AGBL1: variants seen among roughly 807,000 people sequenced by gnomAD.
AGBL1 encodes AGBL carboxypeptidase 1.
In AGBL1, 130 loss-of-function variants were observed where a neutral mutation model predicts 118.9. That is an observed-to-expected ratio of 1.09 (90% CI 0.95 to 1.26). AGBL1 has a LOEUF of 1.26. AGBL1 is among the 50% of genes most tolerant of loss of function. The pLI is 0.00. For synonymous variants in AGBL1, 555 were observed against 478.9 expected (o/e 1.16, Z -2.08); for missense variants, 1,584 against 1,298.1 (o/e 1.22, Z -3.38).
chr15:86,759,331 G>A lies in AGBL1; in HGVS notation c.3158+84895G>A, dbSNP rs993056877. On this transcript the variant is annotated intron_variant, in intron 22 of 22. Coordinates refer to ENST00000614907, the MANE Select transcript of AGBL1 (RefSeq NM_001386094.1). ...TTTTTAGATAAAATTCTGCTTAATA[G>A]GCATGTGATTTGGTGCAAAATATTT... 3.3e-5 allele frequency among the ~76,000 whole-genome samples: 5 copies of A among 152,150 alleles called. No individual in the cohort carries two copies. The South Asian group carries it at 1.0e-3, about 32-fold the overall frequency.
intron 22 of AGBL1, among the ~76,000 whole-genome samples, chr15:86,676,450 G>A (rs944301182): frequency 2.6e-5 from 4 of 152,074 alleles, no homozygotes; most frequent in African/African-American, 7.2e-5. Flanking sequence ...ATGACAGAGA[G>A]AAAAATTTAT....
intron 18 of AGBL1, among the ~76,000 whole-genome samples, chr15:86,487,745 C>T (rs113633231): frequency 1.4e-4 from 21 of 152,144 alleles, no homozygotes; most frequent in Admixed American, 2.0e-4. Flanking sequence ...TGTCCAACAA[C>T]GCTGCACTGA....
intron 1 of AGBL1, among the ~76,000 whole-genome samples, chr15:86,092,209 G>A (rs562595366): frequency 4.6e-5 from 7 of 152,276 alleles, no homozygotes; most frequent in East Asian, 1.9e-4. Flanking sequence ...GCATACACAT[G>A]CACTTAAACC....
At position 86,656,050 on chromosome 15, in the gene AGBL1, C is replaced by T. The variant is rs76265196; in HGVS notation, c.2995-18223C>T. ...GTGAAATAAGTAATGAAATAATGTA[C>T]GGAGCATGAAGCATGCTTCCAGGCC... On this transcript the variant is annotated intron_variant, in intron 21 of 22. Coordinates refer to ENST00000614907, the MANE Select transcript of AGBL1 (RefSeq NM_001386094.1). Among the ~76,000 whole-genome samples the T allele has an allele frequency of 6.7e-3, 1,022 of 152,226 alleles. 7 individuals carry two copies. Among genetic ancestry groups the T allele is most frequent in the Non-Finnish European group, 9.2e-3 (626 of 68,018 alleles).
chr15:86,709,604 T>C (rs1288288240), intron 22 of AGBL1, among the ~76,000 whole-genome samples: 2 of 152,296 alleles, frequency 1.3e-5, no homozygotes, highest in South Asian at 2.1e-4. Context: ...CGCTGCTATG[T>C]GCTTGAAAAC....
At chr15:86,599,888 C>T (rs937508653) in intron 21 of AGBL1, among the ~76,000 whole-genome samples, 3 of 151,996 alleles carry the variant, frequency 2.0e-5, no homozygotes, top group African/African-American at 7.2e-5. Context: ...AATTAGGGCT[C>T]AGTAGGTGCT....
intron 18 of AGBL1, among the ~76,000 whole-genome samples, chr15:86,405,320 G>A (rs1394270648): frequency 6.6e-6 from 1 of 151,666 alleles, no homozygotes; most frequent in Admixed American, 6.6e-5. Context: ...GACCATCCTG[G>A]CTAACACAGT....
At chr15:86,713,809 C>G (rs1261301552) in intron 22 of AGBL1, among the ~76,000 whole-genome samples, 1 of 151,784 alleles carries the variant, frequency 6.6e-6, no homozygotes, top group Non-Finnish European at 1.5e-5. Context: ...CATGAATCTA[C>G]TAAAAGAAAT....
rs186633665 is a variant in AGBL1 at position 86,474,625 on chromosome 15, C to T, written c.2556-48185C>T. Among the ~76,000 whole-genome samples, 12 of 152,326 alleles carry T rather than the reference C, an allele frequency of 7.9e-5. 1 individual carries two copies. The South Asian group carries it at 1.2e-3, about 16-fold the overall frequency. ...ACTGCAGCTCAAGGAGGCCTGCCTG[C>T]GTCTGTAGGCTCCACCTCTGGGGGC... On this transcript the variant is annotated intron_variant, in intron 18 of 22. Transcript: ENST00000614907.
intron 21 of AGBL1, among the ~76,000 whole-genome samples, chr15:86,585,465 CTTA>C (rs1260642177): frequency 6.6e-6 from 1 of 152,082 alleles, no homozygotes; most frequent in African/African-American, 2.4e-5. Context: ...GTGATAATAG[CTTA>C]TTATAAGCTT....
At chr15:86,106,993 T>C (rs1597399409) in intron 1 of AGBL1, among the ~76,000 whole-genome samples, 1 of 152,154 alleles carries the variant, frequency 6.6e-6, no homozygotes, top group Admixed American at 6.5e-5. Context: ...TTGAACTATA[T>C]GAGTGACACA....
At chr15:86,822,536 TGTG>T (rs1280998289) in intron 22 of AGBL1, among the ~76,000 whole-genome samples, 1 of 152,052 alleles carries the variant, frequency 6.6e-6, no homozygotes, top group Non-Finnish European at 1.5e-5. Context: ...ATGCAGTGGT[TGTG>T]GTGATGAAAG....
intron 21 of AGBL1, among the ~76,000 whole-genome samples, chr15:86,586,266 A>G (rs1050447536): frequency 1.3e-5 from 2 of 152,222 alleles, no homozygotes; most frequent in African/African-American, 4.8e-5. Flanking sequence ...GAAAACATTC[A>G]TAACTGAATG....
intron 18 of AGBL1, among the ~76,000 whole-genome samples, chr15:86,422,989 G>A (rs929190930): frequency 3.3e-5 from 5 of 152,182 alleles, no homozygotes; most frequent in Admixed American, 2.6e-4. Flanking sequence ...CAGATTCACA[G>A]CCGAATTCTA....
chr15:86,769,324 T>C (rs1199722142), intron 22 of AGBL1, among the ~76,000 whole-genome samples: 1 of 151,974 alleles, frequency 6.6e-6, no homozygotes, highest in East Asian at 1.9e-4. Context: ...TATCCCAGGC[T>C]ATCTCTAGGA....
intron 18 of AGBL1, among the ~76,000 whole-genome samples, chr15:86,490,010 G>T (rs1023440828): frequency 6.6e-6 from 1 of 152,058 alleles, no homozygotes. Context: ...ATGGGTAAAG[G>T]CATACTGGAG....
chr15:86,935,041 G>C (rs1042216353), intron 23 of AGBL1: 8 of 152,190 alleles, frequency 5.3e-5, no homozygotes, highest in African/African-American at 1.9e-4. Flanking sequence ...TTACACTGCA[G>C]CTGGGGTCAC....
At chr15:86,795,108 T>C (rs1322474670) in intron 22 of AGBL1, among the ~76,000 whole-genome samples, 1 of 152,202 alleles carries the variant, frequency 6.6e-6, no homozygotes, top group Non-Finnish European at 1.5e-5. Context: ...AATTTGAAAC[T>C]TAGTCTCCAT....
chr15:86,646,746 T>A (rs775126334), intron 21 of AGBL1, among the ~76,000 whole-genome samples: 6 of 152,200 alleles, frequency 3.9e-5, no homozygotes, highest in Non-Finnish European at 1.5e-5. Context: ...TCCTATGACC[T>A]TGATCACATT....
Sources: allele counts gnomAD v4.1 joint callset (sites outside exome capture counted in the v4.1 genomes callset), GRCh38; gene constraint gnomAD v4.1.1; transcripts MANE v1.5; gene names NCBI Gene and HGNC (gene_info 2026-07-23, HGNC 2026-07-21).